Variants in KLF12 observed in about 807,000 individuals in gnomAD.
KLF12 encodes the protein KLF transcription factor 12.
A neutral mutation model predicts 37.8 loss-of-function variants in KLF12; 9 were observed. The observed-to-expected ratio is 0.24, with a 90% CI of 0.14 to 0.42. The LOEUF is 0.42. KLF12 is among the 10% of genes least tolerant of loss of function. The pLI is 1.00. For synonymous variants in KLF12, 208 were observed against 202.1 expected (o/e 1.03, Z -0.25); for missense variants, 411 against 516.0 (o/e 0.80, Z 1.97).
intron 2 of KLF12, among the ~76,000 whole-genome samples, chr13:73,993,717 T>A (rs1253881972): frequency 6.6e-6 from 1 of 152,230 alleles, no homozygotes; most frequent in Non-Finnish European, 1.5e-5. Flanking sequence ...AATGGTATGC[T>A]GGAGCTAGCT....
At chr13:74,288,989 C>G in the KLF12 span, 1 of 152,190 alleles carries the variant, frequency 6.6e-6, no homozygotes, top group Non-Finnish European at 1.5e-5. Flanking sequence ...GCCGAACCAT[C>G]CTCATCTAAG....
At chr13:74,040,685 T>C (rs1893377375) in intron 1 of KLF12, among the ~76,000 whole-genome samples, 1 of 152,226 alleles carries the variant, frequency 6.6e-6, no homozygotes, top group Admixed American at 6.5e-5. Flanking sequence ...CCATGATTCC[T>C]TTAGGGAGTC....
At chr13:74,238,973 C>G in the KLF12 span, among the ~76,000 whole-genome samples, 1 of 149,572 alleles carries the variant, frequency 6.7e-6, no homozygotes, top group Admixed American at 6.6e-5. Flanking sequence ...TATTTCTTGC[C>G]TTCTGCTAGC....
At chr13:74,221,158 C>T in the KLF12 span, among the ~76,000 whole-genome samples, 20 of 152,096 alleles carry the variant, frequency 1.3e-4, no homozygotes, top group Non-Finnish European at 2.9e-5. Flanking sequence ...GCACCGCCGC[C>T]ACCACGCCCG....
chr13:73,903,755 G>A (rs1479419974), intron 3 of KLF12, among the ~76,000 whole-genome samples: 1 of 152,162 alleles, frequency 6.6e-6, no homozygotes, highest in East Asian at 1.9e-4. Context: ...AGCAGGAGGC[G>A]AGTAGTGGGC....
At chr13:74,048,463 T>C (rs1457269728) in intron 1 of KLF12, among the ~76,000 whole-genome samples, 7 of 152,038 alleles carry the variant, frequency 4.6e-5, no homozygotes, top group Admixed American at 2.6e-4. Flanking sequence ...AGGCATTAAA[T>C]CACTGTAGTA....
rs190003164 is a variant in KLF12, at chr13:74,003,686, A to G, written c.-31-8633T>C. On this transcript the variant is annotated intron_variant, in intron 1 of 7. Coordinates refer to ENST00000377669, the MANE Select transcript of KLF12 (RefSeq NM_007249.5). ...CTGCTGGCCAAAGATCAAATATTGC[A>G]CAGTATTTATTATTCAAATATGAAT... is the stretch of plus-strand genomic sequence containing the variant. Among the ~76,000 whole-genome samples, 432 of 152,336 alleles carry G rather than the reference A, an allele frequency of 2.8e-3. 4 individuals carry two copies. Among genetic ancestry groups the G allele is most frequent in the African/African-American group, 9.5e-3 (397 of 41,584 alleles).
intron 3 of KLF12, among the ~76,000 whole-genome samples, chr13:73,860,702 T>A (rs1328473555): frequency 6.6e-6 from 1 of 152,124 alleles, no homozygotes; most frequent in African/African-American, 2.4e-5. Flanking sequence ...TATGATTGCA[T>A]CACTGCATTC....
intron 1 of KLF12, among the ~76,000 whole-genome samples, chr13:74,115,185 C>T (rs1877218279): frequency 6.6e-6 from 1 of 152,152 alleles, no homozygotes; most frequent in African/African-American, 2.4e-5. Flanking sequence ...ACTTGTAATA[C>T]TGTATTATAT....
chr13:73,809,763 T>C (rs1181268379), intron 5 of KLF12, among the ~76,000 whole-genome samples: 1 of 152,196 alleles, frequency 6.6e-6, no homozygotes, highest in Non-Finnish European at 1.5e-5. Flanking sequence ...TCTTGAATGA[T>C]GACTCATTAA....
At chr13:74,058,095 T>A (rs1027768517) in intron 1 of KLF12, among the ~76,000 whole-genome samples, 1 of 150,842 alleles carries the variant, frequency 6.6e-6, no homozygotes, top group Non-Finnish European at 1.5e-5. Flanking sequence ...GCCTCCCGGG[T>A]AGCTGGGAGT....
At chr13:73,953,267 A>G (rs1890706727) in intron 2 of KLF12, among the ~76,000 whole-genome samples, 1 of 152,184 alleles carries the variant, frequency 6.6e-6, no homozygotes, top group Admixed American at 6.5e-5. Context: ...TATAAAAAAG[A>G]CTAATAAAGT....
chr13:74,153,346 C>T, the KLF12 span, among the ~76,000 whole-genome samples: 1 of 152,224 alleles, frequency 6.6e-6, no homozygotes, highest in East Asian at 1.9e-4. Flanking sequence ...GAAAAGATGT[C>T]AAGGAGGGAC....
chr13:74,130,908 G>A (rs1878226590), intron 1 of KLF12, among the ~76,000 whole-genome samples: 1 of 152,126 alleles, frequency 6.6e-6, no homozygotes, highest in Admixed American at 6.5e-5. Flanking sequence ...CCAATTTAAT[G>A]TGATCATTGT....
chr13:73,923,105 T>A (rs965564724), intron 3 of KLF12, among the ~76,000 whole-genome samples: 1 of 152,158 alleles, frequency 6.6e-6, no homozygotes, highest in Non-Finnish European at 1.5e-5. Flanking sequence ...ACATCAATAT[T>A]TTAAACAGTT....
chr13:74,263,188 AT>A, the KLF12 span, among the ~76,000 whole-genome samples: 4 of 152,240 alleles, frequency 2.6e-5, no homozygotes, highest in African/African-American at 4.8e-5. Context: ...TCTAACTCTT[AT>A]AGCTAAGTAA....
chr13:73,901,101 T>C (rs1282580556), intron 3 of KLF12, among the ~76,000 whole-genome samples: 1 of 152,226 alleles, frequency 6.6e-6, no homozygotes, highest in Non-Finnish European at 1.5e-5. Context: ...TCACTCTTAA[T>C]TGTGTTTTTG....
At chr13:73,797,741 G>T (rs1273052705) in intron 5 of KLF12, among the ~76,000 whole-genome samples, 1 of 133,964 alleles carries the variant, frequency 7.5e-6, no homozygotes, top group Admixed American at 8.6e-5. Context: ...CTGCACTCCA[G>T]CCTGGGCAAG....
At chr13:74,083,122 G>A (rs1248637430) in intron 1 of KLF12, among the ~76,000 whole-genome samples, 1 of 152,040 alleles carries the variant, frequency 6.6e-6, no homozygotes, top group African/African-American at 2.4e-5. Flanking sequence ...AAAAGCGTGG[G>A]GCCCACAGTC....
Sources: gnomAD v4.1 joint callset for allele counts (sites outside exome capture counted in the v4.1 genomes callset) on GRCh38, gnomAD v4.1.1 for gene constraint, MANE v1.5 for transcripts, NCBI Gene and HGNC (gene_info 2026-07-23, HGNC 2026-07-21) for gene names.